Variants in MYLK4 observed in about 807,000 individuals in gnomAD.
MYLK4 encodes caMLCK like.
In MYLK4, 46 loss-of-function variants were observed where a neutral mutation model predicts 48.1. That is an observed-to-expected ratio of 0.96 (90% CI 0.75 to 1.22). MYLK4 has a LOEUF of 1.22. Ranked by LOEUF, MYLK4 falls within the 50% of genes most tolerant of loss-of-function variation. The probability of loss-of-function intolerance (pLI) is 0.00; values close to 1 mark genes in which losing one functional copy is unlikely to be tolerated. For missense variants in MYLK4, 451 were observed against 486.1 expected, an observed-to-expected ratio of 0.93 and a Z score of 0.68; for synonymous variants, 170 against 180.8, an observed-to-expected ratio of 0.94 and a Z score of 0.48.
intron 2 of MYLK4, among the ~76,000 whole-genome samples, chr6:2,706,467 A>G (rs1347585851): frequency 1.3e-5 from 2 of 152,194 alleles, no homozygotes; most frequent in Non-Finnish European, 2.9e-5. Context: ...GCATTTGTCC[A>G]AACTCATCAA....
At chr6:2,761,981 G>A in the MYLK4 span, among the ~76,000 whole-genome samples, 25 of 152,050 alleles carry the variant, frequency 1.6e-4, no homozygotes, top group Admixed American at 8.5e-4. Context: ...TTGTGATTTC[G>A]GCTCACTGCA....
upstream of MYLK4, among the ~76,000 whole-genome samples, chr6:2,754,498 A>G (rs897335036): frequency 1.3e-5 from 2 of 152,208 alleles, no homozygotes; most frequent in Non-Finnish European, 2.9e-5. Flanking sequence ...CGTAGAAAGC[A>G]GACTGGTGGT....
chr6:2,766,474 G>T, the MYLK4 span: 2 of 1,476,298 alleles, frequency 1.4e-6, no homozygotes, highest in South Asian at 1.3e-5. Context: ...TTGGGCTTCC[G>T]TAGTTATCTC....
intron 2 of MYLK4, among the ~76,000 whole-genome samples, chr6:2,694,512 G>GTAGTGGTAATGATGGTGGTGA: frequency 2.5e-4 from 8 of 31,600 alleles, no homozygotes; most frequent in East Asian, 1.5e-3. Context: ...GGTGGTGGTG[G>GTAGTGGTAATGATGGTGGTGA]CGGTGGTGGT....
Position 2,667,874 on chromosome 6 carries a change from AAGC to A in MYLK4, c.*48_*50del, listed in dbSNP as rs1760719668. ...GCTGATTTTTCAAAAAATTTTCTCGAAGCAGCAGCAACCACAGCAGTTTTCCTG... is the reference window on the plus strand; with the variant it reads ...GCTGATTTTTCAAAAAATTTTCTCGAAGCAGCAACCACAGCAGTTTTCCTG... On this transcript the variant is annotated 3_prime_UTR_variant, in exon 13 of 13. Coordinates refer to ENST00000274643, the MANE Select transcript of MYLK4 (RefSeq NM_001012418.5). 6.6e-6 allele frequency: 1 copy of A among 152,670 alleles called. No individual in the cohort carries two copies. The highest frequency in any genetic ancestry group is 2.4e-5 in the African/African-American group (1 of 41,472). The allele number at this position is 152,670 out of a possible 1,614,324, so 9.5% of individuals were successfully genotyped here. A position where few individuals can be genotyped will look rare whatever the true frequency, so the allele number is the denominator to read the frequency against.
the MYLK4 span, among the ~76,000 whole-genome samples, chr6:2,762,063 C>T: frequency 6.6e-5 from 10 of 152,184 alleles, no homozygotes; most frequent in East Asian, 5.8e-4. Context: ...AGGCTCGCAC[C>T]GCCACACCCA....
chr6:2,684,239 G>C (rs768898879), intron 6 of MYLK4, among the ~76,000 whole-genome samples: 2 of 152,152 alleles, frequency 1.3e-5, no homozygotes, highest in Non-Finnish European at 1.5e-5. Flanking sequence ...GTGACTAACC[G>C]CAGGGAGTGG....
intron 2 of MYLK4, among the ~76,000 whole-genome samples, chr6:2,736,250 T>C (rs1582115495): frequency 6.6e-6 from 1 of 152,364 alleles, no homozygotes; most frequent in East Asian, 1.9e-4. Flanking sequence ...TTTGTTATTA[T>C]TGCTGTTGCT....
rs761948300 is a variant in MYLK4 at position 2,678,246 on chromosome 6, G to T, written c.1014C>A (p.Ile338=). Residue 338 remains isoleucine (I), a synonymous_variant, in exon 10 of 13, where the codon ATC becomes ATA. Transcript: ENST00000274643. ...QDISEEAKEF[I]SKLLIKEKSW... Reference sequence around the variant, plus strand: ...TCTTCTCCTTAATCAGAAGCTTAGAGATGAACTCCTTGGCCTCCTCCGAGA... The same window carrying T: ...TCTTCTCCTTAATCAGAAGCTTAGATATGAACTCCTTGGCCTCCTCCGAGA... 12 of 1,614,136 alleles carry T rather than the reference G, an allele frequency of 7.4e-6. No homozygotes were observed. In the South Asian group the frequency reaches 1.2e-4, roughly 16 times the overall value.
chr6:2,767,011 T>C, the MYLK4 span, among the ~76,000 whole-genome samples: 3 of 152,248 alleles, frequency 2.0e-5, no homozygotes, highest in East Asian at 1.9e-4. Flanking sequence ...AATATACTCA[T>C]GTATTTACAA....
At chr6:2,736,902 T>C (rs1005856923) in intron 2 of MYLK4, among the ~76,000 whole-genome samples, 30 of 152,240 alleles carry the variant, frequency 2.0e-4, no homozygotes, top group East Asian at 9.6e-4. Context: ...TTATAAATCT[T>C]TGTACACTGT....
chr6:2,768,304 G>A, the MYLK4 span, among the ~76,000 whole-genome samples: 1 of 152,114 alleles, frequency 6.6e-6, no homozygotes, highest in African/African-American at 2.4e-5. Flanking sequence ...AGATCCTTCC[G>A]TGCTGTCTCG....
chr6:2,702,491 G>A (rs1213641236), intron 2 of MYLK4, among the ~76,000 whole-genome samples: 4 of 152,164 alleles, frequency 2.6e-5, no homozygotes, highest in African/African-American at 9.7e-5. Context: ...TGAAGGGTGG[G>A]GTGGGGAAGG....
chr6:2,674,593 G>C (rs957494008), intron 11 of MYLK4, among the ~76,000 whole-genome samples: 6 of 152,238 alleles, frequency 3.9e-5, no homozygotes, highest in African/African-American at 1.4e-4. Flanking sequence ...GCATTTTAAG[G>C]CCGGGTGCAG....
At chr6:2,716,686 T>C (rs1480213058) in intron 2 of MYLK4, among the ~76,000 whole-genome samples, 3 of 152,182 alleles carry the variant, frequency 2.0e-5, no homozygotes, top group African/African-American at 4.8e-5. Context: ...TGTACTGTAA[T>C]TGGTCAAGAA....
At chr6:2,765,684 C>T in the MYLK4 span, 1 of 1,551,374 alleles carries the variant, frequency 6.4e-7, no homozygotes, top group Non-Finnish European at 8.6e-7. Flanking sequence ...GTGCAGTGCC[C>T]CGTGTGCCAG....
intron 2 of MYLK4, among the ~76,000 whole-genome samples, chr6:2,713,456 A>C (rs1561859082): frequency 6.6e-6 from 1 of 152,214 alleles, no homozygotes; most frequent in Admixed American, 6.5e-5. Flanking sequence ...AGCATTTTCA[A>C]GTTCTGCACA....
At chr6:2,697,075 G>GAAATA (rs1458782660) in intron 2 of MYLK4, among the ~76,000 whole-genome samples, 2 of 152,126 alleles carry the variant, frequency 1.3e-5, no homozygotes, top group Middle Eastern at 3.4e-3. Flanking sequence ...AAAATAAAAT[G>GAAATA]AAATAAAATA....
chr6:2,752,254 G>A (rs80242173), upstream of MYLK4, among the ~76,000 whole-genome samples: 1,731 of 152,282 alleles, frequency 0.011, 12 homozygotes, highest in Middle Eastern at 0.048. Flanking sequence ...AAGGTGCAAA[G>A]GTAGTTCAGA....
Sources: allele counts gnomAD v4.1 joint callset (sites outside exome capture counted in the v4.1 genomes callset), GRCh38; gene constraint gnomAD v4.1.1; transcripts MANE v1.5; gene names NCBI Gene and HGNC (gene_info 2026-07-23, HGNC 2026-07-21).